CNTN4: variants seen among roughly 807,000 people sequenced by gnomAD.
CNTN4 encodes the protein contactin-4.
In CNTN4, 77 loss-of-function variants were observed where a neutral mutation model predicts 122.5. That is an observed-to-expected ratio of 0.63 (90% CI 0.52 to 0.76). CNTN4 has a LOEUF of 0.76. Among genes scored for constraint, CNTN4 ranks in the 30% least tolerant of loss-of-function variants. CNTN4 has a pLI of 0.00. For synonymous variants in CNTN4, 512 were observed against 447.0 expected, an observed-to-expected ratio of 1.15 and a Z score of -1.83; for missense variants, 1,256 against 1,259.1, an observed-to-expected ratio of 1.00 and a Z score of 0.04.
intron 13 of CNTN4, among the ~76,000 whole-genome samples, chr3:2,936,739 C>A (rs1301994623): frequency 6.6e-6 from 1 of 152,206 alleles, no homozygotes; most frequent in Non-Finnish European, 1.5e-5. Context: ...ATCCAACCCT[C>A]CACCTGTGTT....
chr3:2,184,583 T>C (rs1456195267), intron 2 of CNTN4, among the ~76,000 whole-genome samples: 2 of 152,118 alleles, frequency 1.3e-5, no homozygotes, highest in Non-Finnish European at 2.9e-5. Flanking sequence ...CCAAAACTCA[T>C]GTTGACATTT....
chr3:2,161,426 G>A (rs1216244558), intron 2 of CNTN4, among the ~76,000 whole-genome samples: 3 of 152,062 alleles, frequency 2.0e-5, no homozygotes, highest in African/African-American at 7.2e-5. Flanking sequence ...TGGGGTCGGG[G>A]TGGCTTGTAA....
At chr3:2,843,221 A>T (rs1363073309) in intron 7 of CNTN4, among the ~76,000 whole-genome samples, 4 of 152,164 alleles carry the variant, frequency 2.6e-5, no homozygotes, top group Non-Finnish European at 5.9e-5. Flanking sequence ...CCAGTGGCTC[A>T]AGACTGAAAT....
intron 6 of CNTN4, 58 bp from the exon 7 acceptor site, chr3:2,819,428 C>G (rs1220523116): frequency 7.7e-7 from 1 of 1,296,470 alleles, no homozygotes; most frequent in Non-Finnish European, 1.1e-6. Context: ...GTGGTACTCT[C>G]CCTTGATATC....
intron 2 of CNTN4, among the ~76,000 whole-genome samples, chr3:2,222,110 A>G (rs914432055): frequency 3.3e-5 from 5 of 152,184 alleles, no homozygotes; most frequent in African/African-American, 9.6e-5. Context: ...AATGTTTATA[A>G]CAGCATGATT....
intron 4 of CNTN4, among the ~76,000 whole-genome samples, chr3:2,632,792 G>T (rs1005943095): frequency 6.6e-6 from 1 of 152,056 alleles, no homozygotes; most frequent in East Asian, 1.9e-4. Context: ...CTGTCTTTGT[G>T]TTATGAGTGA....
intron 2 of CNTN4, among the ~76,000 whole-genome samples, chr3:2,171,191 A>G (rs573641090): frequency 1.3e-5 from 2 of 152,176 alleles, no homozygotes; most frequent in African/African-American, 2.4e-5. Flanking sequence ...ATGCACCTAA[A>G]TGTCCACCAG....
chr3:2,643,534 AT>A (rs1162321459), intron 4 of CNTN4, among the ~76,000 whole-genome samples: 1 of 152,088 alleles, frequency 6.6e-6, no homozygotes, highest in Non-Finnish European at 1.5e-5. Flanking sequence ...CATCTTCTGC[AT>A]TACTGAGCAT....
At chr3:2,572,344 C>G (rs113154269) in intron 4 of CNTN4, among the ~76,000 whole-genome samples, 2,491 of 152,230 alleles carry the variant, frequency 0.016, 42 homozygotes, top group East Asian at 0.057. Flanking sequence ...CGAGATCGCG[C>G]CATTGCACTC....
intron 3 of CNTN4, among the ~76,000 whole-genome samples, chr3:2,400,451 C>CATATATATATATATA (rs1559520108): frequency 1.9e-5 from 2 of 107,986 alleles, no homozygotes; most frequent in Non-Finnish European, 4.0e-5. Flanking sequence ...ATATATATAT[C>CATATATATATATATA]TCTTTTTTTC....
At chr3:2,972,583 G>A (rs183419518) in intron 13 of CNTN4, among the ~76,000 whole-genome samples, 1 of 152,198 alleles carries the variant, frequency 6.6e-6, no homozygotes, top group Admixed American at 6.5e-5. Context: ...TTTGTTGCTC[G>A]AGGTTATCAG....
At chr3:2,353,382 C>G (rs2044723803) in intron 3 of CNTN4, among the ~76,000 whole-genome samples, 1 of 152,144 alleles carries the variant, frequency 6.6e-6, no homozygotes, top group Non-Finnish European at 1.5e-5. Context: ...AGCAGGCTGC[C>G]CGATCCCTGC....
intron 3 of CNTN4, among the ~76,000 whole-genome samples, chr3:2,409,269 A>G (rs550030966): frequency 1.5e-3 from 199 of 136,968 alleles, no homozygotes; most frequent in Non-Finnish European, 2.2e-3. Flanking sequence ...TTTTTTTGAG[A>G]TAGTGTCTCG....
intron 8 of CNTN4, among the ~76,000 whole-genome samples, chr3:2,873,690 A>T (rs1474305895): frequency 6.6e-6 from 1 of 152,176 alleles, no homozygotes; most frequent in Admixed American, 6.5e-5. Context: ...ATTTTTCTTC[A>T]TGAAAAGGGA....
intron 2 of CNTN4, among the ~76,000 whole-genome samples, chr3:2,200,295 A>G (rs1444366860): frequency 4.6e-5 from 7 of 152,194 alleles, no homozygotes; most frequent in Admixed American, 3.9e-4. Flanking sequence ...GGGAGAAATC[A>G]AAGTCTTAGT....
chr3:3,007,766 A>G (rs1302260229), intron 14 of CNTN4, among the ~76,000 whole-genome samples: 1 of 152,178 alleles, frequency 6.6e-6, no homozygotes, highest in African/African-American at 2.4e-5. Flanking sequence ...AGGGTATGCA[A>G]TAGATTCTGT....
At chr3:2,356,539 C>G (rs2044880801) in intron 3 of CNTN4, among the ~76,000 whole-genome samples, 1 of 152,208 alleles carries the variant, frequency 6.6e-6, no homozygotes, top group Non-Finnish European at 1.5e-5. Context: ...AGAGGTCACT[C>G]TCTTCACTAT....
At chr3:2,400,428 C>CACATATATAT (rs1553640929) in intron 3 of CNTN4, among the ~76,000 whole-genome samples, 37 of 95,822 alleles carry the variant, frequency 3.9e-4, no homozygotes, top group African/African-American at 1.2e-3. Context: ...TATATATATA[C>CACATATATAT]ATATATATAT....
At chr3:3,038,059 AC>A (rs1392393728) in intron 18 of CNTN4, among the ~76,000 whole-genome samples, 1 of 152,140 alleles carries the variant, frequency 6.6e-6, no homozygotes, top group Non-Finnish European at 1.5e-5. Flanking sequence ...AGGAGTTCTG[AC>A]CCTACTCTCA....
Sources: allele counts gnomAD v4.1 joint callset (sites outside exome capture counted in the v4.1 genomes callset), GRCh38; gene constraint gnomAD v4.1.1; transcripts MANE v1.5; gene names NCBI Gene and HGNC (gene_info 2026-07-23, HGNC 2026-07-21).